KDELR2: variants seen among roughly 807,000 people sequenced by gnomAD.
The protein encoded by KDELR2 is KDEL endoplasmic reticulum protein retention receptor 2.
KDELR2 carries 15 observed loss-of-function variants against 23.9 expected under a neutral mutation model. The ratio of observed to expected loss-of-function variants is 0.63; its 90% CI spans 0.42 to 0.97. The LOEUF is 0.97. Ranked by LOEUF, KDELR2 falls within the 50% of genes least tolerant of loss-of-function variation. The pLI is 0.00. For synonymous variants in KDELR2, 119 were observed against 106.2 expected (o/e 1.12, Z -0.74); for missense variants, 272 against 254.6 (o/e 1.07, Z -0.46).
intron 4 of KDELR2, among the ~76,000 whole-genome samples, chr7:6,464,859 C>A (rs1325639059): frequency 6.6e-6 from 1 of 151,682 alleles, no homozygotes; most frequent in East Asian, 2.0e-4. Flanking sequence ...CCTCAGCCCC[C>A]CAAGTAGCTG....
chr7:6,469,792 T>C, intron 2 of KDELR2, 38 bp from the exon 3 acceptor site: 1 of 1,559,888 alleles, frequency 6.4e-7, no homozygotes, highest in Non-Finnish European at 8.7e-7. Flanking sequence ...GTCAATACCT[T>C]GCCACTGTTC....
chr7:6,474,239 G>T lies in KDELR2; in HGVS notation c.137C>A (p.Thr46Asn), dbSNP rs755143501. Residue 46 changes from threonine (T) to asparagine (N), a missense_variant, in exon 2 of 5, where the codon ACT becomes AAT. Transcript: ENST00000258739. ...SQLLFALVFT[T>N]RYLDLFTSFI... ...TGAAGTAAAAAGATCCAGGTAACGA[G>T]TTGTGAAGACCAGTGCAAACAGAAG... is the stretch of plus-strand genomic sequence containing the variant. 2 of 1,613,976 alleles carry T rather than the reference G, an allele frequency of 1.2e-6. No homozygotes were observed. Among genetic ancestry groups the T allele is most frequent in the Non-Finnish European group, 1.7e-6 (2 of 1,179,856 alleles).
chr7:6,481,289 C>T (rs913655028), intron 1 of KDELR2, among the ~76,000 whole-genome samples: 3 of 142,934 alleles, frequency 2.1e-5, no homozygotes, highest in African/African-American at 2.6e-5. Context: ...CGCTTGAACC[C>T]GGGAGGCAGA....
At chr7:6,477,129 C>T (rs1439455313) in intron 1 of KDELR2, among the ~76,000 whole-genome samples, 1 of 152,178 alleles carries the variant, frequency 6.6e-6, no homozygotes, top group Non-Finnish European at 1.5e-5. Context: ...AGGGCTCTGC[C>T]CTAATTAACT....
intron 1 of KDELR2, among the ~76,000 whole-genome samples, chr7:6,483,625 C>T (rs1335739940): frequency 6.6e-6 from 1 of 152,232 alleles, no homozygotes; most frequent in Non-Finnish European, 1.5e-5. Context: ...GGAGAAGCGC[C>T]CCCATTCAAG....
intron 1 of KDELR2, 23 bp downstream of exon 1, chr7:6,483,943 TC>T: frequency 6.7e-7 from 1 of 1,488,912 alleles, no homozygotes; most frequent in Non-Finnish European, 9.0e-7. Flanking sequence ...CCCGAGCCTC[TC>T]CGGGCCTTCC....
chr7:6,480,752 C>T (rs1785871915), intron 1 of KDELR2, among the ~76,000 whole-genome samples: 1 of 152,138 alleles, frequency 6.6e-6, no homozygotes, highest in Non-Finnish European at 1.5e-5. Context: ...TTGAGAAACT[C>T]ATATCAAATT....
At chr7:6,478,945 C>T (rs554240276) in intron 1 of KDELR2, among the ~76,000 whole-genome samples, 65 of 152,048 alleles carry the variant, frequency 4.3e-4, no homozygotes, top group Middle Eastern at 3.4e-3. Flanking sequence ...CCTGCCACCA[C>T]GCCCGGGTAA....
At chr7:6,471,744 T>C (rs1785647883) in intron 2 of KDELR2, among the ~76,000 whole-genome samples, 1 of 152,184 alleles carries the variant, frequency 6.6e-6, no homozygotes, top group Non-Finnish European at 1.5e-5. Flanking sequence ...GTTTATTCAC[T>C]CACCAGTTGA....
At chr7:6,483,341 A>T (rs1243919138) in intron 1 of KDELR2, among the ~76,000 whole-genome samples, 1 of 141,488 alleles carries the variant, frequency 7.1e-6, no homozygotes, top group Non-Finnish European at 1.6e-5. Flanking sequence ...GCCCCTCCCC[A>T]GCGGTGTGAT....
At chr7:6,482,188 G>T (rs950107810) in intron 1 of KDELR2, among the ~76,000 whole-genome samples, 2 of 152,034 alleles carry the variant, frequency 1.3e-5, no homozygotes, top group African/African-American at 4.8e-5. Context: ...TTTTAGTAGA[G>T]ACGGGGTTTC....
chr7:6,470,623 A>T (rs1256120697), intron 2 of KDELR2, among the ~76,000 whole-genome samples: 1 of 152,226 alleles, frequency 6.6e-6, no homozygotes, highest in Non-Finnish European at 1.5e-5. Flanking sequence ...AATGTAGTAC[A>T]AAAGCACTCA....
chr7:6,483,899 GTCGGCGGGTCC>G lies in KDELR2; in HGVS notation c.91+57_91+67del. On this transcript the variant is annotated intron_variant, in intron 1 of 4. Transcript: ENST00000258739. ...CCCCGCGAGCCGTGGGGTGGCCGAG[GTCGGCGGGTCC>G]TCGGCGAGACCCGGCCCCCACGCCC... 6.3e-6 allele frequency: 8 copies of G among 1,269,744 alleles called. No individual in the cohort carries two copies. In the South Asian group the frequency reaches 1.5e-4, roughly 24 times the overall value. 78.7% of individuals were successfully genotyped at this position (1,269,744 alleles called of 1,614,324 possible).
At chr7:6,483,854 G>A in intron 1 of KDELR2, 113 bp downstream of exon 1, 1 of 805,770 alleles carries the variant, frequency 1.2e-6, no homozygotes, top group Non-Finnish European at 1.7e-6. Context: ...GGCCGAGGGG[G>A]TGTGTCGGGC....
intron 1 of KDELR2, chr7:6,482,349 G>C (rs890251546): frequency 4.0e-6 from 1 of 253,000 alleles, no homozygotes; most frequent in African/African-American, 2.3e-5. Context: ...TAAAGCACTC[G>C]GCTGACTACT....
At chr7:6,465,181 C>CTTT (rs1211865175) in intron 4 of KDELR2, among the ~76,000 whole-genome samples, 1 of 134,166 alleles carries the variant, frequency 7.5e-6, no homozygotes, top group African/African-American at 2.7e-5. Context: ...GCGTAAATAT[C>CTTT]TTTTTTTTTT....
intron 4 of KDELR2, among the ~76,000 whole-genome samples, chr7:6,465,231 T>A (rs1472882835): frequency 6.6e-6 from 1 of 150,740 alleles, no homozygotes; most frequent in Non-Finnish European, 1.5e-5. Context: ...TCACCCAGGC[T>A]GGAGTGCAGT....
Position 6,466,102 on chromosome 7 carries a change from G to A in KDELR2, c.573C>T (p.Tyr191=), listed in dbSNP as rs1390776687. 1 of 1,614,026 alleles carries A rather than the reference G, an allele frequency of 6.2e-7. No homozygotes were observed. Among genetic ancestry groups the A allele is most frequent in the Admixed American group, 1.7e-5 (1 of 59,996 alleles). The change falls in exon 4 of 5, where the codon TAC becomes TAT. Residue 191 remains tyrosine, a synonymous_variant. Coordinates refer to ENST00000258739, the MANE Select transcript of KDELR2 (RefSeq NM_006854.4). ...VVAGVVQTIL[Y]CDFFYLYITK... ...TAATGTACAAGTAGAAGAAGTCACA[G>A]TATAGGATGGTCTGGACTACGCCGG...
intron 2 of KDELR2, among the ~76,000 whole-genome samples, chr7:6,472,342 T>G (rs1288086997): frequency 6.6e-6 from 1 of 152,088 alleles, no homozygotes; most frequent in Non-Finnish European, 1.5e-5. Flanking sequence ...CAGCTGCTTC[T>G]CTCCTCTCAC....
Sources: allele counts gnomAD v4.1 joint callset (sites outside exome capture counted in the v4.1 genomes callset), GRCh38; gene constraint gnomAD v4.1.1; transcripts MANE v1.5; gene names NCBI Gene and HGNC (gene_info 2026-07-23, HGNC 2026-07-21).